Variants in TMTC1 observed in about 807,000 individuals in gnomAD.
TMTC1 encodes the protein transmembrane O-mannosyltransferase targeting cadherins 1, also known as protein O-mannosyl-transferase TMTC1.
Under a neutral mutation model 104.8 loss-of-function variants are expected in TMTC1, and 73 were observed. The observed-to-expected ratio is 0.70, with a 90% CI of 0.58 to 0.85. The LOEUF (loss-of-function observed/expected upper bound fraction) is 0.85. Among genes scored for constraint, TMTC1 ranks in the 40% least tolerant of loss-of-function variants. The probability of loss-of-function intolerance (pLI) is 0.00; values close to 1 mark genes in which losing one functional copy is unlikely to be tolerated. For synonymous variants in TMTC1, 434 were observed against 428.7 expected, an observed-to-expected ratio of 1.01 and a Z score of -0.15; for missense variants, 1,035 against 1,096.1, an observed-to-expected ratio of 0.94 and a Z score of 0.79.
intron 6 of TMTC1, among the ~76,000 whole-genome samples, chr12:29,615,803 C>T (rs1449968259): frequency 6.6e-6 from 1 of 152,102 alleles, no homozygotes; most frequent in African/African-American, 2.4e-5. Context: ...GGTGGTATTG[C>T]TAAAAAGGTA....
intron 7 of TMTC1, among the ~76,000 whole-genome samples, chr12:29,601,935 A>C (rs1592302990): frequency 6.7e-6 from 1 of 149,110 alleles, no homozygotes; most frequent in African/African-American, 2.5e-5. Context: ...TCCCGGGTTC[A>C]CACCATTCTC....
At chr12:29,684,287 G>C (rs934358729) in intron 5 of TMTC1, among the ~76,000 whole-genome samples, 3 of 152,178 alleles carry the variant, frequency 2.0e-5, no homozygotes, top group Non-Finnish European at 2.9e-5. Context: ...AAGAGAAAAA[G>C]AAGGCTAAAG....
intron 5 of TMTC1, among the ~76,000 whole-genome samples, chr12:29,731,782 T>TA: frequency 6.6e-6 from 1 of 152,198 alleles, no homozygotes; most frequent in Non-Finnish European, 1.5e-5. Flanking sequence ...ATTACACACT[T>TA]AAAAGATTTT....
rs550845865 is a variant in TMTC1 at position 29,666,480 on chromosome 12, G to A, written c.939-33144C>T. 9.1e-4 allele frequency among the ~76,000 whole-genome samples: 138 copies of A among 151,726 alleles called. 1 individual carries two copies. Among genetic ancestry groups the A allele is most frequent in the South Asian group, 1.5e-3 (7 of 4,804 alleles). On this transcript the variant is annotated intron_variant, in intron 5 of 17. Transcript: ENST00000539277. ...GATCTCCTGACCTCGTGATCCACCC[G>A]CCTCTGCCTCCCAAAGTGCTGGGAT...
chr12:29,622,200 T>C (rs1937711094), intron 6 of TMTC1, among the ~76,000 whole-genome samples: 27 of 152,170 alleles, frequency 1.8e-4, no homozygotes, highest in Admixed American at 1.8e-3. Context: ...TTCTCTCATG[T>C]TTTTCTTTTA....
chr12:29,669,037 G>C (rs1221260050), intron 5 of TMTC1, among the ~76,000 whole-genome samples: 1 of 152,206 alleles, frequency 6.6e-6, no homozygotes, highest in Non-Finnish European at 1.5e-5. Context: ...TCACTGTGTG[G>C]TGAGATGGCC....
chr12:29,506,790 T>A lies in TMTC1; in HGVS notation c.*56A>T, dbSNP rs1355012307. 2 of 1,603,232 alleles carry A rather than the reference T, an allele frequency of 1.2e-6. No individual in the cohort carries two copies. The highest frequency in any genetic ancestry group is 1.3e-5 in the African/African-American group (1 of 74,670). On this transcript the variant is annotated 3_prime_UTR_variant, in exon 18 of 18. Transcript: ENST00000539277. ...TGCTGATGTGAAAGCAAGGCTTCCA[T>A]CACTCCCCTTTCAGAGGCACCACAT...
At chr12:29,579,274 T>G (rs1038172570) in intron 8 of TMTC1, among the ~76,000 whole-genome samples, 1 of 152,218 alleles carries the variant, frequency 6.6e-6, no homozygotes. Context: ...AATGTGTCCA[T>G]GTGTTTACAT....
intron 9 of TMTC1, among the ~76,000 whole-genome samples, chr12:29,564,053 T>C (rs996907661): frequency 6.6e-6 from 1 of 151,752 alleles, no homozygotes; most frequent in Non-Finnish European, 1.5e-5. Flanking sequence ...AGCAGGAAGA[T>C]GAAGGAAAGG....
At chr12:29,777,724 A>G (rs920066584) in intron 1 of TMTC1, among the ~76,000 whole-genome samples, 8 of 152,114 alleles carry the variant, frequency 5.3e-5, no homozygotes, top group African/African-American at 1.9e-4. Flanking sequence ...ATTTTTCTTT[A>G]TAAAATTTTT....
intron 17 of TMTC1, among the ~76,000 whole-genome samples, chr12:29,509,372 T>G (rs1943772117): frequency 6.6e-6 from 1 of 152,184 alleles, no homozygotes; most frequent in Non-Finnish European, 1.5e-5. Flanking sequence ...ACTATGACAT[T>G]TGCTCCTCTC....
chr12:29,593,107 T>TTGAGCTGGGCTCTCCTCTGGC (rs1275605585), intron 7 of TMTC1, among the ~76,000 whole-genome samples: 4 of 152,178 alleles, frequency 2.6e-5, no homozygotes, highest in African/African-American at 9.7e-5. Context: ...CCTTCTCTGG[T>TTGAGCTGGGCTCTCCTCTGGC]TGAGCTGGGC....
chr12:29,635,012 C>T (rs921336322), intron 5 of TMTC1, among the ~76,000 whole-genome samples: 3 of 152,120 alleles, frequency 2.0e-5, no homozygotes, highest in Non-Finnish European at 4.4e-5. Flanking sequence ...GATTATTTAC[C>T]GCTCAGACTC....
At chr12:29,732,538 C>G (rs1942570904) in intron 5 of TMTC1, among the ~76,000 whole-genome samples, 1 of 152,178 alleles carries the variant, frequency 6.6e-6, no homozygotes, top group Non-Finnish European at 1.5e-5. Flanking sequence ...CATTGTAGAC[C>G]TGGTCCCGCT....
At position 29,502,003 on chromosome 12, in the gene TMTC1, T is replaced by C. The variant is rs1943604674; in HGVS notation, c.*4843A>G. On this transcript the variant is annotated 3_prime_UTR_variant, in exon 18 of 18. Coordinates refer to ENST00000539277, the MANE Select transcript of TMTC1 (RefSeq NM_001193451.2). ...CTATTCAGCATATTTTCCTTTTGCA[T>C]CAAAAACGTCAAGAATAATCATAAA... 1 of 151,566 alleles carries C rather than the reference T, an allele frequency of 6.6e-6. No homozygotes were observed. Among genetic ancestry groups the C allele is most frequent in the South Asian group, 2.1e-4 (1 of 4,822 alleles). 9.4% of individuals were successfully genotyped at this position (151,566 alleles called of 1,614,324 possible). A position where few individuals can be genotyped will look rare whatever the true frequency, so the allele number is the denominator to read the frequency against.
chr12:29,640,756 G>C (rs112462974), intron 5 of TMTC1: 1 of 152,278 alleles, frequency 6.6e-6, no homozygotes, highest in African/African-American at 2.4e-5. Context: ...GTTTGAACGG[G>C]GTGAGAAGCC....
At chr12:29,752,500 A>G (rs1461523087) in intron 4 of TMTC1, among the ~76,000 whole-genome samples, 2 of 152,204 alleles carry the variant, frequency 1.3e-5, no homozygotes, top group Non-Finnish European at 2.9e-5. Flanking sequence ...CAGCAACTAC[A>G]CTTCCATGGC....
intron 5 of TMTC1, among the ~76,000 whole-genome samples, chr12:29,715,861 T>G (rs934947487): frequency 6.6e-6 from 1 of 152,106 alleles, no homozygotes; most frequent in Non-Finnish European, 1.5e-5. Flanking sequence ...CTCACTATTA[T>G]GAGAACAGCA....
intron 4 of TMTC1, among the ~76,000 whole-genome samples, chr12:29,754,872 A>C (rs1158442016): frequency 6.6e-6 from 1 of 152,182 alleles, no homozygotes; most frequent in Non-Finnish European, 1.5e-5. Flanking sequence ...TTATGTCAAG[A>C]AGTATAAAGA....
Sources: allele counts gnomAD v4.1 joint callset (sites outside exome capture counted in the v4.1 genomes callset), GRCh38; gene constraint gnomAD v4.1.1; transcripts MANE v1.5; gene names NCBI Gene and HGNC (gene_info 2026-07-23, HGNC 2026-07-21).